Variants in TMEM132A observed in about 807,000 individuals in gnomAD.
The protein encoded by TMEM132A is GRP78-binding protein.
A neutral mutation model predicts 69.9 loss-of-function variants in TMEM132A; 48 were observed. The observed-to-expected ratio is 0.69, with a 90% CI of 0.55 to 0.87. TMEM132A has a LOEUF of 0.87. TMEM132A is among the 40% of genes least tolerant of loss of function. The pLI is 0.00. For missense variants in TMEM132A, 1,287 were observed against 1,407.2 expected (o/e 0.91, Z 1.37); for synonymous variants, 577 against 613.7 (o/e 0.94, Z 0.88).
Position 60,936,189 on chromosome 11 carries a change from C to A in TMEM132A, c.2354C>A (p.Pro785Gln), listed in dbSNP as rs764336392. 3.1e-6 allele frequency: 5 copies of A among 1,613,938 alleles called. No individual in the cohort carries two copies. The South Asian group carries it at 5.5e-5, about 18-fold the overall frequency. The change falls in exon 11 of 11, where the codon CCA becomes CAA. Residue 785 changes from proline (P) to glutamine (Q), a missense_variant. Physicochemically the swap from Pro to Gln is moderately conservative, Grantham distance 76. Transcript: ENST00000453848. ...CCATCCAGCCCTGCTTGGAGCCCAC[C>A]AGCCACAGAAGCCACCATGGGTGGT... ...ALPSSPAWSP[P>Q]ATEATMGGKR...
At position 60,927,253 on chromosome 11, in the gene TMEM132A, G is replaced by A. The variant is rs1358569609; in HGVS notation, c.150G>A (p.Leu50=). The change falls in exon 2 of 11, where the codon CTG becomes CTA. Residue 50 remains leucine, a synonymous_variant. Transcript: ENST00000453848. ...PLDPVYLPAA[L]ELLDAPEHFR... is the part of the protein sequence containing the mutation. ...ACCCTGTCTACCTGCCGGCAGCCCT[G>A]GAGCTCCTAGACGCCCCTGAACACT... The A allele has an allele frequency of 7.4e-6, 12 of 1,613,592 alleles. No individual in the cohort carries two copies. Among genetic ancestry groups the A allele is most frequent in the Non-Finnish European group, 9.3e-6 (11 of 1,179,992 alleles).
In TMEM132A at chr11:60,934,421, A is replaced by C. The variant is rs1001537757; in HGVS notation, c.1560-67A>C. On this transcript the variant is annotated intron_variant, in intron 8 of 10. Coordinates refer to ENST00000453848, the MANE Select transcript of TMEM132A (RefSeq NM_178031.3). ...CGGGGACGAGCTGCGGGTCTCCAGC[A>C]GCTGGGCCCTGGGCAGGCTGGGGCC... 3.1e-6 allele frequency: 4 copies of C among 1,289,746 alleles called. No individual in the cohort carries two copies. In the African/African-American group the frequency reaches 6.3e-5, roughly 20 times the overall value. The allele number at this position is 1,289,746 out of a possible 1,614,324, so 79.9% of individuals were successfully genotyped here. A position where few individuals can be genotyped will look rare whatever the true frequency, so the allele number is the denominator to read the frequency against.
In TMEM132A at chr11:60,928,672, A is replaced by G; in HGVS notation, c.578A>G (p.His193Arg). 6.2e-7 allele frequency: 1 copy of G among 1,610,788 alleles called. No homozygotes were observed. The highest frequency in any genetic ancestry group is 2.2e-5 in the East Asian group (1 of 44,868). Residue 193 changes from histidine to arginine, a missense_variant, in exon 4 of 11, where the codon CAC becomes CGC. By Grantham distance (29) the His-to-Arg change is conservative. Transcript: ENST00000453848. ...ACVVELELPSHWFSQASTTRA... is the reference protein window; with the variant it reads ...ACVVELELPSRWFSQASTTRA... ...GTGGTGGAGCTGGAGCTTCCCTCGC[A>G]CTGGTTCTCACAGGCCTCCACCACA...
At position 60,936,542 on chromosome 11, in the gene TMEM132A, G is replaced by A. The variant is rs1478280031; in HGVS notation, c.2707G>A (p.Glu903Lys). The A allele has an allele frequency of 8.7e-6, 14 of 1,612,714 alleles. No individual in the cohort carries two copies. The highest frequency in any genetic ancestry group is 1.2e-5 in the Non-Finnish European group (14 of 1,179,502). The part of the protein sequence containing the change: ...HNWVWLGTDQ[E>K]ELSRQLDRQS... ...CTGGGTCTGGCTGGGCACTGACCAGGAGGAACTGAGCCGCCAGCTGGACCG... is the reference window on the plus strand; with the variant it reads ...CTGGGTCTGGCTGGGCACTGACCAGAAGGAACTGAGCCGCCAGCTGGACCG... The change falls in exon 11 of 11, where the codon GAG (glutamate) becomes AAG (lysine). Residue 903 changes from glutamate to lysine, a missense_variant. By Grantham distance (56) the Glu-to-Lys change is moderately conservative (BLOSUM62 1). Coordinates refer to ENST00000453848, the MANE Select transcript of TMEM132A (RefSeq NM_178031.3).
Position 60,927,676 on chromosome 11 carries a change from G to A in TMEM132A, c.351G>A (p.Arg117=). The A allele has an allele frequency of 3.7e-6, 6 of 1,612,892 alleles. No individual in the cohort carries two copies. Among genetic ancestry groups the A allele is most frequent in the Non-Finnish European group, 4.2e-6 (5 of 1,179,962 alleles). ...CTCGAGTCACTGAGCCCCACCAACG[G>A]CCAGTCCCATGGGACGTGCGGGCCG... ...VPPRVTEPHQ[R]PVPWDVRAVS... is the part of the protein sequence containing the mutation. The change falls in exon 3 of 11, where the codon CGG becomes CGA. Residue 117 remains arginine, a synonymous_variant. Coordinates refer to ENST00000453848, the MANE Select transcript of TMEM132A (RefSeq NM_178031.3).
chr11:60,928,343 G>A (rs778505458), intron 3 of TMEM132A, among the ~76,000 whole-genome samples: 27 of 152,208 alleles, frequency 1.8e-4, no homozygotes, highest in Non-Finnish European at 3.2e-4. Context: ...AGGCAGGATA[G>A]TCCTGGGCTT....
Position 60,936,249 on chromosome 11 carries a change from C to G in TMEM132A, c.2414C>G (p.Thr805Arg), listed in dbSNP as rs769409098. 2 of 1,614,040 alleles carry G rather than the reference C, an allele frequency of 1.2e-6. No homozygotes were observed. Among genetic ancestry groups the G allele is most frequent in the Non-Finnish European group, 1.7e-6 (2 of 1,179,994 alleles). ...GTGGCAGGCAGTGTCGGGGGCAACA[C>G]AGGTGTGAGGGGCAAGTTTGAGCGG... ...RQVAGSVGGN[T>R]GVRGKFERAE... The change falls in exon 11 of 11, where the codon ACA becomes AGA. Residue 805 changes from threonine (T) to arginine (R), a missense_variant. Coordinates refer to ENST00000453848, the MANE Select transcript of TMEM132A (RefSeq NM_178031.3).
rs1211443657 is a variant in TMEM132A at position 60,935,875 on chromosome 11, C to T, written c.2040C>T (p.Leu680=). Residue 680 remains leucine (L), a synonymous_variant, in exon 11 of 11, where the codon CTC becomes CTT. Transcript: ENST00000453848. This position sits in a 1 kb window ranked among gnomAD's most constrained non-coding sequence, Gnocchi z 5.0. Reference sequence around the variant, plus strand: ...TGTGTGCCCCACAGGAGGTGGCCCTCTCCCTATGGCTGTCCTTCTCTGATC... The same window carrying T: ...TGTGTGCCCCACAGGAGGTGGCCCTTTCCCTATGGCTGTCCTTCTCTGATC... The part of the protein sequence containing the change: ...ALPAPKQEVA[L]SLWLSFSDHT... 1.9e-6 allele frequency: 3 copies of T among 1,611,888 alleles called. No homozygotes were observed. The East Asian group carries it at 6.7e-5, about 36-fold the overall frequency.
chr11:60,934,612 G>A lies in TMEM132A; in HGVS notation c.1684G>A (p.Gly562Ser). 2 of 1,580,512 alleles carry A rather than the reference G, an allele frequency of 1.3e-6. No homozygotes were observed. Among genetic ancestry groups the A allele is most frequent in the African/African-American group, 1.3e-5 (1 of 74,680 alleles). ...CTTCGCGGCCCACCCGCTGGACGGC[G>A]GCCGCCGCCTCACGCACCTGCTTGG... ...APFAAHPLDG[G>S]RRLTHLLGPD... Residue 562 changes from glycine to serine, a missense_variant, in exon 9 of 11, where the codon GGC becomes AGC. Physicochemically the swap from Gly to Ser is moderately conservative, Grantham distance 56. Coordinates refer to ENST00000453848, the MANE Select transcript of TMEM132A (RefSeq NM_178031.3).
chr11:60,924,501 GGGC>G lies in TMEM132A; in HGVS notation c.-111_-109del, dbSNP rs540977711. On this transcript the variant is annotated 5_prime_UTR_variant, in exon 1 of 11. Coordinates refer to ENST00000453848, the MANE Select transcript of TMEM132A (RefSeq NM_178031.3). ...TGTCTGGGAATTGCAGCCGCGGGGC[GGGC>G]GGCGGCGGCGGCGGCGGCGGCCGGG... 3.9e-3 allele frequency: 1,853 copies of G among 478,078 alleles called. 7 individuals are homozygous for G. The highest frequency in any genetic ancestry group is 0.019 in the East Asian group (456 of 24,354). The allele number at this position is 478,078 out of a possible 1,614,324, so 29.6% of individuals were successfully genotyped here.
intron 5 of TMEM132A, 41 bp from the exon 6 acceptor site, chr11:60,931,648 G>A: frequency 6.4e-7 from 1 of 1,569,552 alleles, no homozygotes; most frequent in Non-Finnish European, 8.7e-7. Flanking sequence ...ATGCCTGGCA[G>A]CTAGCAAGCA....
Position 60,927,749 on chromosome 11 carries a change from C to G in TMEM132A, c.424C>G (p.Leu142Val). 10 of 1,613,480 alleles carry G rather than the reference C, an allele frequency of 6.2e-6. No individual in the cohort carries two copies. Among genetic ancestry groups the G allele is most frequent in the Non-Finnish European group, 8.5e-6 (10 of 1,180,030 alleles). The change falls in exon 3 of 11, where the codon CTC becomes GTC. Residue 142 changes from leucine to valine, a missense_variant. By Grantham distance (32) the Leu-to-Val change is conservative. Transcript: ENST00000453848. ...VTPAEPYARV[L>V]FHLKGQDWPP... ...TCCAGCAGAGCCCTACGCCCGGGTT[C>G]TCTTCCACCTCAAAGGGCAGGATTG...
chr11:60,931,592 C>T (rs562568989), intron 5 of TMEM132A, 97 bp from the exon 6 acceptor site: 1 of 1,257,334 alleles, frequency 8.0e-7, no homozygotes, highest in Non-Finnish European at 1.1e-6. Flanking sequence ...TCAGTTTCCT[C>T]CTGTGTAAAA....
rs1399328160 is a variant in TMEM132A at position 60,936,375 on chromosome 11, A to G, written c.2540A>G (p.Glu847Gly). Residue 847 changes from glutamate (E) to glycine (G), a missense_variant, in exon 11 of 11, where the codon GAG becomes GGG. Physicochemically the swap from Glu to Gly is moderately conservative, Grantham distance 98 (BLOSUM62 -2). Transcript: ENST00000453848. ...VPAPQHVTEL[E>G]LGMYALLGVF... The stretch of plus-strand genomic sequence containing the variant: ...GCCCCTCAGCATGTCACTGAGCTAG[A>G]GCTGGGCATGTACGCCCTGCTGGGA... 6.2e-7 allele frequency: 1 copy of G among 1,614,112 alleles called. No individual in the cohort carries two copies. The highest frequency in any genetic ancestry group is 1.7e-5 in the Admixed American group (1 of 60,024).
At chr11:60,929,385 C>G (rs149257505) in intron 4 of TMEM132A, among the ~76,000 whole-genome samples, 1 of 152,298 alleles carries the variant, frequency 6.6e-6, no homozygotes, top group Non-Finnish European at 1.5e-5. Context: ...CCACCCTCGC[C>G]GTAGGAGTCT....
intron 1 of TMEM132A, 196 bp from the exon 2 acceptor site, chr11:60,927,008 C>A: frequency 1.6e-6 from 1 of 628,726 alleles, no homozygotes; most frequent in Non-Finnish European, 2.9e-6. Context: ...CGAATCCTGG[C>A]TTTGCTACAT....
chr11:60,932,103 G>A lies in TMEM132A; in HGVS notation c.1332G>A (p.Glu444=), dbSNP rs1565121358. The change falls in exon 7 of 11, where the codon GAG becomes GAA. Residue 444 remains glutamate (E), a synonymous_variant. Transcript: ENST00000453848. ...LVEVTEHVGC[E]SANTQVLQVS... ...AGGTGACAGAGCATGTCGGCTGCGA[G>A]TCTGCCAACACACAGGTCCTGCAGG... 1 of 1,551,766 alleles carries A rather than the reference G, an allele frequency of 6.4e-7. No individual in the cohort carries two copies. The highest frequency in any genetic ancestry group is 1.3e-5 in the South Asian group (1 of 79,070).
rs1352800369 is a variant in TMEM132A, at chr11:60,928,868, G to T, written c.774G>T (p.Leu258=). Reference sequence around the variant, plus strand: ...TACCTCTGGACGAGGCTGTGACTCTGCGGGTGCCTGACATGCCAGTGCGGC... The same window carrying T: ...TACCTCTGGACGAGGCTGTGACTCTTCGGGTGCCTGACATGCCAGTGCGGC... ...QEVPLDEAVT[L]RVPDMPVRPG... is the part of the protein sequence containing the mutation. The change falls in exon 4 of 11, where the codon CTG becomes CTT. Residue 258 remains leucine (L), a synonymous_variant. Coordinates refer to ENST00000453848, the MANE Select transcript of TMEM132A (RefSeq NM_178031.3). The T allele has an allele frequency of 6.2e-7, 1 of 1,612,696 alleles. No homozygotes were observed. Among genetic ancestry groups the T allele is most frequent in the Non-Finnish European group, 8.5e-7 (1 of 1,180,032 alleles).
In TMEM132A at chr11:60,930,418, TC is replaced by T. The variant is rs908601677; in HGVS notation, c.867-91del. ...GAGATTCAGACTGGAGCCAGGGAGG[TC>T]AGATGGCTTTGGCTCCTTGTCTTTC... On this transcript the variant is annotated intron_variant, in intron 4 of 10. Transcript: ENST00000453848. The T allele has an allele frequency of 4.9e-6, 7 of 1,418,402 alleles. No individual in the cohort carries two copies. In the African/African-American group the frequency reaches 1.0e-4, roughly 21 times the overall value. 87.9% of individuals were successfully genotyped at this position (1,418,402 alleles called of 1,614,324 possible).
Sources: allele counts gnomAD v4.1 joint callset (sites outside exome capture counted in the v4.1 genomes callset), GRCh38; gene constraint gnomAD v4.1.1; non-coding constraint Gnocchi (gnomAD v3.1); transcripts MANE v1.5; gene names NCBI Gene and HGNC (gene_info 2026-07-23, HGNC 2026-07-21).